The following DIAPH3 variants were observed in gnomAD, a reference collection of about 807,000 sequenced individuals.
The protein encoded by DIAPH3 is diaphanous related formin 3.
In DIAPH3, 117 loss-of-function variants were observed where a neutral mutation model predicts 144.3. The observed-to-expected ratio is 0.81, with a 90% CI of 0.70 to 0.95. DIAPH3 has a LOEUF of 0.95. Among genes scored for constraint, DIAPH3 ranks in the 40% least tolerant of loss-of-function variants. The pLI is 0.00. For missense variants in DIAPH3, 1,421 were observed against 1,412.7 expected (o/e 1.01, Z -0.09); for synonymous variants, 519 against 488.9 (o/e 1.06, Z -0.81).
At chr13:60,152,021 A>T (rs189024403) in intron 1 of DIAPH3, among the ~76,000 whole-genome samples, 77 of 152,324 alleles carry the variant, frequency 5.1e-4, no homozygotes, top group Non-Finnish European at 9.4e-4. Flanking sequence ...CCAATTTGCA[A>T]ATCTTTTACT....
chr13:60,033,708 C>T (rs1215365873), intron 5 of DIAPH3, among the ~76,000 whole-genome samples: 1 of 152,174 alleles, frequency 6.6e-6, no homozygotes. Context: ...CTGGGGATTA[C>T]AATTCAACAG....
chr13:59,975,774 C>T (rs1391719367), intron 14 of DIAPH3, among the ~76,000 whole-genome samples: 1 of 151,992 alleles, frequency 6.6e-6, no homozygotes, highest in Non-Finnish European at 1.5e-5. Flanking sequence ...AACCTGTGTT[C>T]CTTTATTAAA....
intron 22 of DIAPH3, among the ~76,000 whole-genome samples, chr13:59,848,476 C>T (rs1451979015): frequency 7.3e-5 from 11 of 150,532 alleles, no homozygotes; most frequent in Non-Finnish European, 1.6e-4. Flanking sequence ...CTCCCCCCAC[C>T]CCACCACAGT....
At chr13:59,928,457 A>AT (rs763745546) in intron 17 of DIAPH3, among the ~76,000 whole-genome samples, 2 of 151,800 alleles carry the variant, frequency 1.3e-5, no homozygotes, top group African/African-American at 4.8e-5. Flanking sequence ...TCTTTTTCAG[A>AT]TTTTTTTGTG....
intron 24 of DIAPH3, among the ~76,000 whole-genome samples, chr13:59,816,357 TTAAAG>T (rs1383916643): frequency 1.3e-5 from 2 of 152,062 alleles, no homozygotes; most frequent in East Asian, 1.9e-4. Flanking sequence ...TCTATTTCTT[TTAAAG>T]TAATTTCAGT....
intron 7 of DIAPH3, among the ~76,000 whole-genome samples, chr13:60,014,868 T>C (rs1476836584): frequency 1.3e-5 from 2 of 152,218 alleles, no homozygotes; most frequent in African/African-American, 4.8e-5. Context: ...ATAATGCTAA[T>C]TTCTACAGTT....
At chr13:59,925,094 T>C (rs748049355) in intron 17 of DIAPH3, among the ~76,000 whole-genome samples, 1 of 152,010 alleles carries the variant, frequency 6.6e-6, no homozygotes, top group Non-Finnish European at 1.5e-5. Flanking sequence ...TATTTGAAGG[T>C]CTAACAGGAA....
chr13:59,743,239 T>G (rs1040859014), intron 27 of DIAPH3, among the ~76,000 whole-genome samples: 2 of 152,218 alleles, frequency 1.3e-5, no homozygotes, highest in African/African-American at 4.8e-5. Context: ...ATGATTGGGA[T>G]GTTACTGCAA....
intron 17 of DIAPH3, among the ~76,000 whole-genome samples, chr13:59,931,224 A>G (rs1203483031): frequency 6.6e-6 from 1 of 152,166 alleles, no homozygotes; most frequent in East Asian, 1.9e-4. Context: ...CAAAATATTC[A>G]CTAAAGTAAT....
At chr13:59,944,170 T>C (rs967883469) in intron 17 of DIAPH3, among the ~76,000 whole-genome samples, 4 of 151,886 alleles carry the variant, frequency 2.6e-5, no homozygotes, top group Non-Finnish European at 4.4e-5. Context: ...GTGATAATCA[T>C]GTCACTGCAC....
At chr13:60,042,915 T>C in intron 4 of DIAPH3, 95 bp from the exon 5 acceptor site, 2 of 1,401,298 alleles carry the variant, frequency 1.4e-6, no homozygotes. Context: ...AGCACATAAC[T>C]ACTATAATTA....
At chr13:59,949,508 A>G (rs1408927788) in intron 17 of DIAPH3, among the ~76,000 whole-genome samples, 4 of 152,200 alleles carry the variant, frequency 2.6e-5, no homozygotes, top group Non-Finnish European at 5.9e-5. Flanking sequence ...TCAGTAATAT[A>G]ACCAGGGTCA....
rs774300939 is a variant in DIAPH3, at chr13:59,916,123, T to C, written c.2265+32A>G. 20 of 1,555,630 alleles carry C rather than the reference T, an allele frequency of 1.3e-5. No individual in the cohort carries two copies. The South Asian group carries it at 1.8e-4, about 14-fold the overall frequency. ...ATTTAATGAGAAGCTTGCAATGAAA[T>C]ATTGAAATTTAAGCTGTGCCTGTTT... is the stretch of plus-strand genomic sequence containing the variant. On this transcript the variant is annotated intron_variant, in intron 19 of 27. Transcript: ENST00000400324.
intron 25 of DIAPH3, among the ~76,000 whole-genome samples, chr13:59,795,619 ATT>A (rs1265094330): frequency 2.0e-5 from 3 of 150,478 alleles, no homozygotes; most frequent in Non-Finnish European, 4.4e-5. Flanking sequence ...ATTCCAGGCT[ATT>A]TTTTTTTATT....
chr13:59,910,826 GTT>G (rs551829721), intron 20 of DIAPH3, among the ~76,000 whole-genome samples: 3 of 142,840 alleles, frequency 2.1e-5, no homozygotes, highest in African/African-American at 2.5e-5. Flanking sequence ...TCTATTTGGA[GTT>G]TTTTTTTTTT....
chr13:59,909,522 A>G (rs1207697245), intron 20 of DIAPH3, among the ~76,000 whole-genome samples: 1 of 152,160 alleles, frequency 6.6e-6, no homozygotes, highest in East Asian at 1.9e-4. Flanking sequence ...AAATAAAAAT[A>G]TTTCATTTTG....
chr13:59,800,909 A>G (rs1478782601), intron 25 of DIAPH3, among the ~76,000 whole-genome samples: 1 of 152,194 alleles, frequency 6.6e-6, no homozygotes, highest in Non-Finnish European at 1.5e-5. Flanking sequence ...TTATCTAATA[A>G]AAGTATCCCA....
At chr13:59,757,934 A>G (rs2037371958) in intron 27 of DIAPH3, among the ~76,000 whole-genome samples, 2 of 152,220 alleles carry the variant, frequency 1.3e-5, no homozygotes, top group African/African-American at 4.8e-5. Context: ...CAAACAGTAA[A>G]TTGATCCTAA....
chr13:59,983,230 G>T (rs1278076126), intron 13 of DIAPH3, among the ~76,000 whole-genome samples: 1 of 149,288 alleles, frequency 6.7e-6, no homozygotes, highest in Non-Finnish European at 1.5e-5. Flanking sequence ...AAAGGCTTCG[G>T]GGGGGACAGG....
Sources: allele counts gnomAD v4.1 joint callset (sites outside exome capture counted in the v4.1 genomes callset), GRCh38; gene constraint gnomAD v4.1.1; transcripts MANE v1.5; gene names NCBI Gene and HGNC (gene_info 2026-07-23, HGNC 2026-07-21).